The following PKP4 variants were observed in gnomAD, a reference collection of about 807,000 sequenced individuals.
The protein encoded by PKP4 is plakophilin 4, also known as plakophilin-4.
A neutral mutation model predicts 145.1 loss-of-function variants in PKP4; 90 were observed. That is an observed-to-expected ratio of 0.62 (90% CI 0.52 to 0.74). The LOEUF is 0.74. Ranked by LOEUF, PKP4 falls within the 30% of genes least tolerant of loss-of-function variation. PKP4 has a pLI of 0.00. For missense variants in PKP4, 1,340 were observed against 1,482.7 expected, an observed-to-expected ratio of 0.90 and a Z score of 1.58; for synonymous variants, 563 against 577.2, an observed-to-expected ratio of 0.98 and a Z score of 0.35.
chr2:158,522,642 T>C (rs947988711), intron 1 of PKP4, among the ~76,000 whole-genome samples: 2 of 152,256 alleles, frequency 1.3e-5, no homozygotes, highest in East Asian at 3.9e-4. Flanking sequence ...GATGGCCGAA[T>C]AGGAACAGCT....
chr2:158,640,359 G>A (rs962968727), intron 9 of PKP4, among the ~76,000 whole-genome samples: 4 of 152,198 alleles, frequency 2.6e-5, no homozygotes, highest in Non-Finnish European at 4.4e-5. Flanking sequence ...GAACACGAGA[G>A]TGGAAGTTAC....
At position 158,640,666 on chromosome 2, in the gene PKP4, T is replaced by C; in HGVS notation, c.1602T>C (p.Ile534=). 1 of 1,613,996 alleles carries C rather than the reference T, an allele frequency of 6.2e-7. No homozygotes were observed. The highest frequency in any genetic ancestry group is 2.2e-5 in the East Asian group (1 of 44,872). Residue 534 remains isoleucine (I), a synonymous_variant, in exon 10 of 22, where the codon ATT becomes ATC. Coordinates refer to ENST00000389759, the MANE Select transcript of PKP4 (RefSeq NM_003628.6). The part of the protein sequence containing the change: ...AWRDPELPEV[I]HMLQHQFPSV... The stretch of plus-strand genomic sequence containing the variant: ...GTGATCCTGAGTTGCCTGAGGTCAT[T>C]CACATGCTTCAGCACCAGTTCCCAT...
chr2:158,634,403 TA>T (rs1431674191), intron 9 of PKP4, 114 bp downstream of exon 9: 1 of 662,194 alleles, frequency 1.5e-6, no homozygotes, highest in African/African-American at 1.8e-5. Flanking sequence ...ATACTATCAT[TA>T]ATTCCATATA....
At chr2:158,636,549 T>G (rs2053826886) in intron 9 of PKP4, among the ~76,000 whole-genome samples, 1 of 152,134 alleles carries the variant, frequency 6.6e-6, no homozygotes, top group Non-Finnish European at 1.5e-5. Context: ...GAATGTAGGT[T>G]GATGTTTTTG....
At chr2:158,478,042 T>C (rs569257705) in intron 1 of PKP4, among the ~76,000 whole-genome samples, 1 of 152,298 alleles carries the variant, frequency 6.6e-6, no homozygotes, top group Non-Finnish European at 1.5e-5. Context: ...TAAAAAATGT[T>C]TTCAGTGTCC....
At chr2:158,580,931 A>C (rs2048279782) in intron 3 of PKP4, among the ~76,000 whole-genome samples, 1 of 152,176 alleles carries the variant, frequency 6.6e-6, no homozygotes, top group East Asian at 1.9e-4. Context: ...ACAGGTAGTA[A>C]GGCTCATTCC....
At chr2:158,614,598 G>A (rs1336317983) in intron 4 of PKP4, among the ~76,000 whole-genome samples, 1 of 152,066 alleles carries the variant, frequency 6.6e-6, no homozygotes, top group Admixed American at 6.6e-5. Flanking sequence ...TGTTTATCGT[G>A]GGCCACCACC....
intron 11 of PKP4, 141 bp from the exon 12 acceptor site, chr2:158,657,990 A>C (rs566596158): frequency 1.6e-6 from 1 of 616,972 alleles, no homozygotes; most frequent in Non-Finnish European, 2.8e-6. Flanking sequence ...TTAGAGGTCT[A>C]TTCCCACCCT....
chr2:158,582,732 G>A (rs2048437260), intron 3 of PKP4, among the ~76,000 whole-genome samples: 1 of 152,120 alleles, frequency 6.6e-6, no homozygotes, highest in South Asian at 2.1e-4. Flanking sequence ...ACAAAAACAA[G>A]CTCATAGGGC....
In PKP4 at chr2:158,676,582, G is replaced by A. The variant is rs1264980523; in HGVS notation, c.3128-157G>A. ...GCACTTGCAGTACTTGGGTCTAGCT[G>A]CTCTTCCACTCCCAGCACCTCTGAG... On this transcript the variant is annotated intron_variant, in intron 19 of 21. Transcript: ENST00000389759. Among the ~76,000 whole-genome samples, 6 of 152,202 alleles carry A rather than the reference G, an allele frequency of 3.9e-5. No individual in the cohort carries two copies. In the East Asian group the frequency reaches 1.2e-3, roughly 29 times the overall value.
At chr2:158,677,524 T>TAACTA (rs1553482518) in intron 20 of PKP4, among the ~76,000 whole-genome samples, 1 of 152,240 alleles carries the variant, frequency 6.6e-6, no homozygotes, top group Non-Finnish European at 1.5e-5. Flanking sequence ...CTGGCGATTA[T>TAACTA]AACTACTTTA....
chr2:158,577,490 C>T, intron 3 of PKP4, 107 bp downstream of exon 3: 1 of 700,716 alleles, frequency 1.4e-6, no homozygotes, highest in Non-Finnish European at 2.3e-6. Context: ...GTTAACTTGC[C>T]TTCCAGAATT....
At chr2:158,598,724 G>A (rs903589048) in intron 3 of PKP4, among the ~76,000 whole-genome samples, 9 of 152,114 alleles carry the variant, frequency 5.9e-5, no homozygotes, top group African/African-American at 2.2e-4. Flanking sequence ...AGGCGAGATC[G>A]CGCCACTGCA....
intron 1 of PKP4, among the ~76,000 whole-genome samples, chr2:158,481,852 AAAT>A (rs1693401907): frequency 6.6e-6 from 1 of 152,238 alleles, no homozygotes; most frequent in Non-Finnish European, 1.5e-5. Context: ...TAAGACATAA[AAAT>A]AAGCAAAACT....
rs1374259320 is a variant in PKP4 at position 158,589,440 on chromosome 2, A to C, written c.245+12057A>C. Among the ~76,000 whole-genome samples the C allele has an allele frequency of 2.0e-5, 3 of 152,246 alleles. No homozygotes were observed. The East Asian group carries it at 5.8e-4, about 29-fold the overall frequency. Reference sequence around the variant, plus strand: ...GCACCCCTCCAAACACATGCTATCTAGGTAAAAGTTGTGTTGGCTGTACCG... The same window carrying C: ...GCACCCCTCCAAACACATGCTATCTCGGTAAAAGTTGTGTTGGCTGTACCG... On this transcript the variant is annotated intron_variant, in intron 3 of 21. Coordinates refer to ENST00000389759, the MANE Select transcript of PKP4 (RefSeq NM_003628.6).
chr2:158,469,014 A>G (rs984650754), intron 1 of PKP4, among the ~76,000 whole-genome samples: 8 of 151,604 alleles, frequency 5.3e-5, no homozygotes, highest in East Asian at 1.9e-4. Flanking sequence ...CCTGGCCACA[A>G]GCAATCCTCC....
intron 15 of PKP4, among the ~76,000 whole-genome samples, chr2:158,664,461 G>A (rs1020139187): frequency 6.6e-6 from 1 of 152,178 alleles, no homozygotes; most frequent in South Asian, 2.1e-4. Flanking sequence ...TCAACCTCTA[G>A]TAATTTCTTG....
intron 2 of PKP4, among the ~76,000 whole-genome samples, chr2:158,537,514 T>C (rs2044153280): frequency 6.6e-6 from 1 of 152,206 alleles, no homozygotes; most frequent in African/African-American, 2.4e-5. Flanking sequence ...AGTAATGTGA[T>C]TCTGAAATTA....
At chr2:158,662,340 A>G (rs946473526) in intron 13 of PKP4, 1 of 152,328 alleles carries the variant, frequency 6.6e-6, no homozygotes, top group African/African-American at 2.4e-5. Flanking sequence ...TTAGACACTC[A>G]AACACTCAGT....
Sources: gnomAD v4.1 joint callset for allele counts (sites outside exome capture counted in the v4.1 genomes callset) on GRCh38, gnomAD v4.1.1 for gene constraint, MANE v1.5 for transcripts, NCBI Gene and HGNC (gene_info 2026-07-23, HGNC 2026-07-21) for gene names.